The following WDR81 variants were observed in gnomAD, a reference collection of about 807,000 sequenced individuals.
The protein encoded by WDR81 is WD repeat domain 81.
WDR81 carries 92 observed loss-of-function variants against 140.8 expected under a neutral mutation model. The observed-to-expected ratio is 0.65, with a 90% CI of 0.55 to 0.78. The LOEUF (loss-of-function observed/expected upper bound fraction) is 0.78. WDR81 is among the 30% of genes least tolerant of loss of function. WDR81 has a pLI of 0.00. For missense variants in WDR81, 2,502 were observed against 2,636.4 expected (o/e 0.95, Z 1.12); for synonymous variants, 1,183 against 1,156.4 (o/e 1.02, Z -0.47).
upstream of WDR81, among the ~76,000 whole-genome samples, chr17:1,721,176 G>A (rs1289661245): frequency 6.6e-6 from 1 of 151,966 alleles, no homozygotes; most frequent in African/African-American, 2.4e-5. Context: ...TGTGGCTCAC[G>A]ACTGTAATCC....
chr17:1,723,337 C>A (rs994212604), upstream of WDR81, among the ~76,000 whole-genome samples: 1 of 152,062 alleles, frequency 6.6e-6, no homozygotes, highest in Admixed American at 6.6e-5. Context: ...CCCCAAAACA[C>A]CAGGCCTCTG....
chr17:1,724,542 G>A (rs1013955085), upstream of WDR81: 37 of 986,946 alleles, frequency 3.7e-5, no homozygotes, highest in South Asian at 9.4e-5. Flanking sequence ...GAGCTGGCTG[G>A]AGACCCTTTC....
chr17:1,733,364 C>T (rs1344978671), intron 6 of WDR81, among the ~76,000 whole-genome samples, 163 bp from the exon 7 acceptor site: 1 of 152,224 alleles, frequency 6.6e-6, no homozygotes, highest in Non-Finnish European at 1.5e-5. Context: ...GGAATGAATC[C>T]ACATTTCACT....
Position 1,738,105 on chromosome 17 carries a change from G to T in WDR81, c.*420G>T, listed in dbSNP as rs908957516. 5.9e-5 allele frequency: 13 copies of T among 219,158 alleles called. No homozygotes were observed. In the East Asian group the frequency reaches 1.5e-3, roughly 26 times the overall value. 13.6% of individuals were successfully genotyped at this position (219,158 alleles called of 1,614,324 possible). On this transcript the variant is annotated 3_prime_UTR_variant, in exon 10 of 10. Coordinates refer to ENST00000409644, the MANE Select transcript of WDR81 (RefSeq NM_001163809.2). ...TCTCTGTCCCATCCCTCTAGGACAG[G>T]GAAGCTGGCCTGGTCCAGGGCACTG...
Position 1,734,187 on chromosome 17 carries a change from G to A in WDR81, c.5150G>A (p.Gly1717Glu). The change falls in exon 7 of 10, where the codon GGG becomes GAG. Residue 1717 changes from glycine (G) to glutamate (E), a missense_variant. Around this residue, in one of 3 missense-constraint regions of WDR81, gnomAD observed 1,737 missense variants for 1,843.0 expected, o/e 0.94. Coordinates refer to ENST00000409644, the MANE Select transcript of WDR81 (RefSeq NM_001163809.2). ...EAPQHVVSCDGAVHVWDPFTG... is the reference protein window; with the variant it reads ...EAPQHVVSCDEAVHVWDPFTG... The stretch of plus-strand genomic sequence containing the variant: ...CCGCAGCACGTGGTGAGCTGTGACG[G>A]GGCTGTGCACGTCTGGGACCCCTTC... 1 of 1,595,154 alleles carries A rather than the reference G, an allele frequency of 6.3e-7. No individual in the cohort carries two copies. Among genetic ancestry groups the A allele is most frequent in the South Asian group, 1.1e-5 (1 of 90,722 alleles).
intron 1 of WDR81, among the ~76,000 whole-genome samples, chr17:1,730,003 A>G (rs117832250): frequency 1.3e-4 from 19 of 145,046 alleles, no homozygotes; most frequent in South Asian, 4.3e-4. Flanking sequence ...AAAAAAAAAA[A>G]AAGAAGAAGA....
upstream of WDR81, among the ~76,000 whole-genome samples, chr17:1,723,458 T>TA: frequency 4.2e-5 from 1 of 23,744 alleles, no homozygotes; most frequent in African/African-American, 1.9e-4. Flanking sequence ...TTTATTTATT[T>TA]TTATTTATTT....
chr17:1,731,112 T>C lies in WDR81; in HGVS notation c.4011T>C (p.Arg1337=), dbSNP rs1227384133. 71 of 1,612,894 alleles carry C rather than the reference T, an allele frequency of 4.4e-5. No individual in the cohort carries two copies. Among genetic ancestry groups the C allele is most frequent in the Non-Finnish European group, 5.9e-5 (70 of 1,179,954 alleles). ...CAGGCCCCAGCCGACTGAACAGCCG[T>C]AAGGAGGCGGGGCTGCTGGCCGCGG... The part of the protein sequence containing the change: ...SASGPSRLNS[R]KEAGLLAAVT... The change falls in exon 4 of 10, where the codon CGT becomes CGC. Residue 1337 remains arginine, a synonymous_variant. Coordinates refer to ENST00000409644, the MANE Select transcript of WDR81 (RefSeq NM_001163809.2).
In WDR81 at chr17:1,735,821, C is replaced by G. The variant is rs1904814311; in HGVS notation, c.5325+104C>G. On this transcript the variant is annotated intron_variant, in intron 8 of 9. Transcript: ENST00000409644. This position sits in a 1 kb window ranked among gnomAD's most constrained non-coding sequence, Gnocchi z 4.2. ...AAAGCCAGGATGTTGTTCTGGGGCC[C>G]TAGTTAGTTTCTCTTTGGTGCTAGA... 1.4e-6 allele frequency: 2 copies of G among 1,467,270 alleles called. No homozygotes were observed. The highest frequency in any genetic ancestry group is 1.8e-6 in the Non-Finnish European group (2 of 1,095,562). The allele number at this position is 1,467,270 out of a possible 1,614,324, so 90.9% of individuals were successfully genotyped here.
intron 1 of WDR81, among the ~76,000 whole-genome samples, chr17:1,729,466 C>T (rs1055559000): frequency 3.3e-5 from 5 of 151,558 alleles, no homozygotes; most frequent in Admixed American, 2.0e-4. Context: ...GGCAACAGAG[C>T]GGGACTCCGT....
intron 1 of WDR81, among the ~76,000 whole-genome samples, chr17:1,729,639 G>C (rs1216488339): frequency 6.6e-6 from 1 of 152,054 alleles, no homozygotes; most frequent in African/African-American, 2.4e-5. Flanking sequence ...GCATGTGTGA[G>C]GCTCTGAGGC....
chr17:1,718,783 T>C (rs1469029628), intron 1 of WDR81, among the ~76,000 whole-genome samples: 25 of 152,202 alleles, frequency 1.6e-4, no homozygotes, highest in Admixed American at 1.6e-3. Flanking sequence ...ATCCTGAGCA[T>C]AGAAATCCCA....
chr17:1,733,353 C>T (rs964349798), intron 6 of WDR81, among the ~76,000 whole-genome samples, 174 bp from the exon 7 acceptor site: 9 of 152,226 alleles, frequency 5.9e-5, no homozygotes, highest in Admixed American at 1.3e-4. Context: ...TACATCACAA[C>T]GGAATGAATC....
In WDR81 at chr17:1,725,799, G is replaced by A. The variant is rs1323691992; in HGVS notation, c.840G>A (p.Ala280=). Residue 280 remains alanine (A), a synonymous_variant, in exon 1 of 10, where the codon GCG becomes GCA. Transcript: ENST00000409644. ...ACGCCTGTCACCGCCAGGGGCTGGCGTGTGGGGCCCTGTCTTTGTATCACA... is the reference window on the plus strand; with the variant it reads ...ACGCCTGTCACCGCCAGGGGCTGGCATGTGGGGCCCTGTCTTTGTATCACA... ...AMDACHRQGL[A]CGALSLYHIA... is the part of the protein sequence containing the mutation. The A allele has an allele frequency of 1.7e-5, 26 of 1,550,538 alleles. No homozygotes were observed. The highest frequency in any genetic ancestry group is 2.7e-5 in the African/African-American group (2 of 73,070).
rs961519024 is a variant in WDR81, at chr17:1,725,368, C to T, written c.409C>T (p.Arg137Cys). The T allele has an allele frequency of 6.5e-6, 10 of 1,549,366 alleles. No homozygotes were observed. The highest frequency in any genetic ancestry group is 3.9e-5 in the Admixed American group (2 of 50,994). The change falls in exon 1 of 10, where the codon CGC (arginine) becomes TGC (cysteine). Residue 137 changes from arginine (R) to cysteine (C), a missense_variant. Coordinates refer to ENST00000409644, the MANE Select transcript of WDR81 (RefSeq NM_001163809.2). ...DGSCGPETLTRFMQEVAAQNY... is the reference protein window; with the variant it reads ...DGSCGPETLTCFMQEVAAQNY... ...GTCCTGCGGCCCTGAGACCCTCACT[C>T]GCTTCATGCAGGAGGTTGCCGCCCA...
At chr17:1,723,761 A>G (rs918508784), upstream of WDR81, among the ~76,000 whole-genome samples, 1 of 151,876 alleles carries the variant, frequency 6.6e-6, no homozygotes, top group African/African-American at 2.4e-5. Context: ...CTGGGATTAC[A>G]GGCGTGAGCC....
rs1904828921 is a variant in WDR81 at position 1,735,997 on chromosome 17, A to G, written c.5326-42A>G. ...TGGGCAGGGCCTTGGGGAGTGTGAG[A>G]TGGGAAGGTGGTGCCTCAGCTCAGC... On this transcript the variant is annotated intron_variant, in intron 8 of 9. Transcript: ENST00000409644. This position sits in a 1 kb window ranked among gnomAD's most constrained non-coding sequence, Gnocchi z 4.2. 2 of 1,554,416 alleles carry G rather than the reference A, an allele frequency of 1.3e-6. No homozygotes were observed. Among genetic ancestry groups the G allele is most frequent in the East Asian group, 2.3e-5 (1 of 44,384 alleles).
exon 1 of WDR81, chr17:1,716,545 G>C: frequency 6.4e-7 from 1 of 1,550,750 alleles, no homozygotes; most frequent in Non-Finnish European, 8.7e-7. Context: ...TAAAGAGCAG[G>C]CGAAAGCCAC....
At position 1,728,072 on chromosome 17, in the gene WDR81, G is replaced by A. The variant is rs745898660; in HGVS notation, c.3113G>A (p.Gly1038Glu). 1.6e-5 allele frequency: 26 copies of A among 1,586,088 alleles called. No homozygotes were observed. In the African/African-American group the frequency reaches 3.5e-4, roughly 21 times the overall value. Residue 1038 changes from glycine to glutamate, a missense_variant, in exon 1 of 10, where the codon GGG (glycine) becomes GAG (glutamate). Transcript: ENST00000409644. ...GAGGAGGAGGAGAGCGGGCTGCCCGGGGCCGGGCCTGGCTCCTGTGCTTTT... is the reference window on the plus strand; with the variant it reads ...GAGGAGGAGGAGAGCGGGCTGCCCGAGGCCGGGCCTGGCTCCTGTGCTTTT... ...AAEEEESGLP[G>E]AGPGSCAFGE... is the part of the protein sequence containing the mutation.
Sources: allele counts gnomAD v4.1 joint callset (sites outside exome capture counted in the v4.1 genomes callset), GRCh38; gene constraint gnomAD v4.1.1; regional missense constraint gnomAD v4.1.1; non-coding constraint Gnocchi (gnomAD v3.1); transcripts MANE v1.5; gene names NCBI Gene and HGNC (gene_info 2026-07-23, HGNC 2026-07-21).